The following ITGA9 variants were observed in gnomAD, a reference collection of about 807,000 sequenced individuals.
ITGA9 encodes the protein integrin subunit alpha 9, also known as integrin alpha-9.
A neutral mutation model predicts 127.8 loss-of-function variants in ITGA9; 56 were observed. That is an observed-to-expected ratio of 0.44 (90% CI 0.35 to 0.55). The LOEUF (loss-of-function observed/expected upper bound fraction) is 0.55, where lower values mean the gene tolerates loss of function less well. Ranked by LOEUF, ITGA9 falls within the 20% of genes least tolerant of loss-of-function variation. The pLI, the probability that ITGA9 is intolerant of heterozygous loss-of-function variation, is 0.00. For missense variants in ITGA9, 1,196 were observed against 1,347.1 expected (o/e 0.89, Z 1.76); for synonymous variants, 508 against 514.5 (o/e 0.99, Z 0.17).
At chr3:37,484,403 A>G (rs530451454) in intron 4 of ITGA9, among the ~76,000 whole-genome samples, 2 of 152,122 alleles carry the variant, frequency 1.3e-5, no homozygotes, top group African/African-American at 4.8e-5. Context: ...TGTTGGCTTT[A>G]GGCATCTCCA....
At chr3:37,732,586 G>T in intron 18 of ITGA9, 126 bp from the exon 19 acceptor site, 1 of 744,582 alleles carries the variant, frequency 1.3e-6, no homozygotes, top group Non-Finnish European at 2.4e-6. Flanking sequence ...CCTGGTCAGG[G>T]CATCTCGTCC....
rs113961312 is a variant in ITGA9 at position 37,558,088 on chromosome 3, C to T, written c.1689+15503C>T. Reference sequence around the variant, plus strand: ...TGGACGAGGTTGCACTTTTCAGCCGCTCCTGTGCACGTGTGTCCGTGCTCT... The same window carrying T: ...TGGACGAGGTTGCACTTTTCAGCCGTTCCTGTGCACGTGTGTCCGTGCTCT... On this transcript the variant is annotated intron_variant, in intron 15 of 27. Transcript: ENST00000264741. Among the ~76,000 whole-genome samples the T allele has an allele frequency of 4.4e-3, 673 of 152,330 alleles. 6 individuals are homozygous for T. Among genetic ancestry groups the T allele is most frequent in the African/African-American group, 0.015 (644 of 41,580 alleles).
At chr3:37,701,948 G>A (rs1232657035) in intron 18 of ITGA9, among the ~76,000 whole-genome samples, 2 of 152,146 alleles carry the variant, frequency 1.3e-5, no homozygotes, top group South Asian at 2.1e-4. Context: ...AGGACATAAC[G>A]AGGTCATCTC....
intron 4 of ITGA9, among the ~76,000 whole-genome samples, chr3:37,491,815 G>A (rs112993368): frequency 5.3e-5 from 8 of 152,306 alleles, no homozygotes; most frequent in East Asian, 3.9e-4. Context: ...AGAAAGGCTC[G>A]TACATGAACA....
intron 15 of ITGA9, among the ~76,000 whole-genome samples, chr3:37,580,548 C>T (rs1473280459): frequency 6.6e-6 from 1 of 152,230 alleles, no homozygotes; most frequent in Non-Finnish European, 1.5e-5. Flanking sequence ...GGAAGCTTAA[C>T]AGGGCTTTGG....
chr3:37,815,330 C>G (rs771087247), intron 27 of ITGA9, among the ~76,000 whole-genome samples: 1 of 152,100 alleles, frequency 6.6e-6, no homozygotes, highest in Admixed American at 6.5e-5. Flanking sequence ...TGGTTCAGGC[C>G]GGGCGCGGTG....
chr3:37,627,309 C>T (rs865870474), intron 15 of ITGA9, among the ~76,000 whole-genome samples: 9 of 152,176 alleles, frequency 5.9e-5, no homozygotes, highest in Admixed American at 5.9e-4. Flanking sequence ...CCTCACAGCT[C>T]AGCAGCCACA....
intron 15 of ITGA9, among the ~76,000 whole-genome samples, chr3:37,605,642 A>G (rs1292024378): frequency 2.0e-5 from 3 of 152,226 alleles, no homozygotes; most frequent in African/African-American, 4.8e-5. Flanking sequence ...AAAGTCCTCT[A>G]TAAACTTGGG....
At chr3:37,649,348 C>A (rs1213046239) in intron 16 of ITGA9, among the ~76,000 whole-genome samples, 1 of 151,920 alleles carries the variant, frequency 6.6e-6, no homozygotes, top group East Asian at 1.9e-4. Context: ...ACAAGAAGCT[C>A]ACTTTTAGAT....
intron 4 of ITGA9, among the ~76,000 whole-genome samples, chr3:37,493,117 T>C (rs942874324): frequency 1.3e-5 from 2 of 152,186 alleles, no homozygotes; most frequent in Admixed American, 6.5e-5. Flanking sequence ...AGTAACTCAA[T>C]TGACATTCTT....
At chr3:37,679,512 G>A (rs1421086297) in intron 17 of ITGA9, among the ~76,000 whole-genome samples, 5 of 150,858 alleles carry the variant, frequency 3.3e-5, no homozygotes, top group Admixed American at 6.7e-5. Context: ...CTGCATGGCC[G>A]GGTGACCTCA....
intron 23 of ITGA9, among the ~76,000 whole-genome samples, chr3:37,751,617 G>A (rs747994914): frequency 7.9e-5 from 12 of 151,776 alleles, no homozygotes; most frequent in Admixed American, 1.3e-4. Flanking sequence ...ACTGATCATC[G>A]AGCCAAGGAA....
intron 15 of ITGA9, 40 bp downstream of exon 15, chr3:37,542,625 C>T: frequency 6.2e-7 from 1 of 1,604,600 alleles, no homozygotes; most frequent in Non-Finnish European, 8.5e-7. Context: ...ACTTTGATCT[C>T]TGCAGATGTT....
At chr3:37,811,041 C>G (rs568212309) in intron 27 of ITGA9, among the ~76,000 whole-genome samples, 3 of 152,316 alleles carry the variant, frequency 2.0e-5, no homozygotes, top group African/African-American at 7.2e-5. Flanking sequence ...GCAGCAGGCC[C>G]TGGCTCTGAC....
intron 14 of ITGA9, among the ~76,000 whole-genome samples, chr3:37,534,187 G>C (rs1699185877): frequency 6.6e-6 from 1 of 152,144 alleles, no homozygotes; most frequent in South Asian, 2.1e-4. Context: ...CATATTACTA[G>C]GTGCTTCATT....
At chr3:37,552,686 G>A (rs918512960) in intron 15 of ITGA9, among the ~76,000 whole-genome samples, 1 of 152,120 alleles carries the variant, frequency 6.6e-6, no homozygotes, top group African/African-American at 2.4e-5. Flanking sequence ...AGCTCTCTGT[G>A]TATGTTACAC....
intron 27 of ITGA9, among the ~76,000 whole-genome samples, chr3:37,809,355 G>T (rs778151553): frequency 6.6e-6 from 1 of 152,002 alleles, no homozygotes; most frequent in African/African-American, 2.4e-5. Context: ...CAAAGTGCTG[G>T]GATTACAGGT....
chr3:37,776,900 T>C (rs1394035090), intron 23 of ITGA9, among the ~76,000 whole-genome samples: 1 of 152,164 alleles, frequency 6.6e-6, no homozygotes, highest in African/African-American at 2.4e-5. Flanking sequence ...TAAGGAGTTT[T>C]ACAGCACCGT....
intron 17 of ITGA9, among the ~76,000 whole-genome samples, chr3:37,661,854 A>T (rs928959321): frequency 1.3e-5 from 2 of 152,088 alleles, no homozygotes; most frequent in Non-Finnish European, 2.9e-5. Context: ...AGCTTCCAAG[A>T]GGTGGTGTTG....
Sources: allele counts gnomAD v4.1 joint callset (sites outside exome capture counted in the v4.1 genomes callset), GRCh38; gene constraint gnomAD v4.1.1; transcripts MANE v1.5; gene names NCBI Gene and HGNC (gene_info 2026-07-23, HGNC 2026-07-21).